The following MAP2 variants were observed in gnomAD, a reference collection of about 807,000 sequenced individuals.
MAP2 encodes the protein microtubule associated protein 2.
Under a neutral mutation model 137.6 loss-of-function variants are expected in MAP2, and 14 were observed. The observed-to-expected ratio is 0.10, with a 90% CI of 0.07 to 0.16. The LOEUF is 0.16. Among genes scored for constraint, MAP2 ranks in the 10% least tolerant of loss-of-function variants. The pLI is 1.00. For synonymous variants in MAP2, 786 were observed against 782.3 expected, an observed-to-expected ratio of 1.00 and a Z score of -0.08; for missense variants, 2,088 against 2,191.5, an observed-to-expected ratio of 0.95 and a Z score of 0.94.
intron 4 of MAP2, among the ~76,000 whole-genome samples, chr2:209,650,329 C>T (rs1250095568): frequency 6.6e-6 from 1 of 152,120 alleles, no homozygotes; most frequent in Non-Finnish European, 1.5e-5. Flanking sequence ...CTGCCTTTGC[C>T]TGAGATTCAA....
intron 2 of MAP2, among the ~76,000 whole-genome samples, chr2:209,526,020 T>C (rs1469229052): frequency 1.3e-5 from 2 of 152,308 alleles, no homozygotes; most frequent in East Asian, 3.9e-4. Context: ...GTTTTTCATT[T>C]TGTCAAAATG....
At chr2:209,635,507 C>T (rs1337290189) in intron 4 of MAP2, among the ~76,000 whole-genome samples, 5 of 151,988 alleles carry the variant, frequency 3.3e-5, no homozygotes, top group Non-Finnish European at 5.9e-5. Context: ...ATAGTCCTGA[C>T]GTGATATTTT....
intron 1 of MAP2, among the ~76,000 whole-genome samples, chr2:209,435,319 A>G (rs1559158270): frequency 6.6e-6 from 1 of 151,776 alleles, no homozygotes; most frequent in Non-Finnish European, 1.5e-5. Flanking sequence ...CAGAGGAGGG[A>G]GTGTCATTGC....
intron 1 of MAP2, 109 bp downstream of exon 1, chr2:209,424,385 G>A (rs1691929494): frequency 6.6e-6 from 1 of 152,668 alleles, no homozygotes; most frequent in Non-Finnish European, 1.5e-5. Flanking sequence ...CGTCCTCTGG[G>A]ACTCGCAGCA....
chr2:209,516,722 C>T (rs185605615), intron 2 of MAP2, among the ~76,000 whole-genome samples: 3 of 152,164 alleles, frequency 2.0e-5, no homozygotes, highest in Admixed American at 2.0e-4. Flanking sequence ...CTTAGAGACT[C>T]GAAGACCTAA....
At chr2:209,724,977 C>T (rs2073295913) in intron 13 of MAP2, among the ~76,000 whole-genome samples, 1 of 152,148 alleles carries the variant, frequency 6.6e-6, no homozygotes, top group African/African-American at 2.4e-5. Context: ...TCTCCCAAAA[C>T]AATAGTCTTA....
chr2:209,696,732 A>C lies in MAP2; in HGVS notation c.4371A>C (p.Glu1457Asp). The change falls in exon 9 of 16, where the codon GAA becomes GAC. Residue 1457 changes from glutamate to aspartate, a missense_variant. Transcript: ENST00000682079. Reference sequence around the variant, plus strand: ...AACCTAGCACAGTCTCCAGAGATGAAGTGAGAAGGAAAAAAGGTTCATTTA... The same window carrying C: ...AACCTAGCACAGTCTCCAGAGATGACGTGAGAAGGAAAAAAGGTTCATTTA... ...KKEPSTVSRDEVRRKKAVYKK... is the reference protein window; with the variant it reads ...KKEPSTVSRDDVRRKKAVYKK... 6.2e-7 allele frequency: 1 copy of C among 1,604,556 alleles called. No homozygotes were observed. Among genetic ancestry groups the C allele is most frequent in the Non-Finnish European group, 8.5e-7 (1 of 1,177,650 alleles).
chr2:209,572,247 C>T (rs976687444), intron 2 of MAP2, among the ~76,000 whole-genome samples: 3 of 152,036 alleles, frequency 2.0e-5, no homozygotes, highest in Non-Finnish European at 4.4e-5. Context: ...GGAATAAATT[C>T]ATCCTTCTCA....
intron 2 of MAP2, among the ~76,000 whole-genome samples, chr2:209,571,334 A>G (rs2074364605): frequency 6.6e-6 from 1 of 152,016 alleles, no homozygotes; most frequent in Non-Finnish European, 1.5e-5. Flanking sequence ...GACATTGTAC[A>G]TCTTCCAAGT....
chr2:209,653,560 G>A, intron 5 of MAP2, 128 bp downstream of exon 5: 1 of 956,690 alleles, frequency 1.0e-6, no homozygotes, highest in Non-Finnish European at 1.5e-6. Context: ...CAGTCAGTCA[G>A]AGGAAATAAA....
chr2:209,695,008 G>A lies in MAP2; in HGVS notation c.2838G>A (p.Leu946=), dbSNP rs1559588802. 3.1e-6 allele frequency: 5 copies of A among 1,614,158 alleles called. No homozygotes were observed. The highest frequency in any genetic ancestry group is 4.2e-6 in the Non-Finnish European group (5 of 1,180,036). The change falls in exon 8 of 16, where the codon CTG becomes CTA. Residue 946 remains leucine (L), a synonymous_variant. Transcript: ENST00000682079. ...ATATCTCTGGTGACAAATCAGGACT[G>A]AGTAAGGAGTTTGACCAAGAGAAGA... ...SAHISGDKSG[L]SKEFDQEKKA...
At chr2:209,530,649 G>T (rs530797928) in intron 2 of MAP2, among the ~76,000 whole-genome samples, 124 of 152,270 alleles carry the variant, frequency 8.1e-4, no homozygotes, top group Non-Finnish European at 1.2e-3. Context: ...CTAGTAATTT[G>T]TATTTATAAG....
intron 1 of MAP2, among the ~76,000 whole-genome samples, chr2:209,481,960 T>C (rs1708887155): frequency 1.3e-5 from 2 of 152,186 alleles, no homozygotes. Flanking sequence ...AGCATTCTCT[T>C]CATTTATTTC....
chr2:209,704,324 C>A, intron 11 of MAP2: 1 of 726,458 alleles, frequency 1.4e-6, no homozygotes, highest in Non-Finnish European at 2.2e-6. Flanking sequence ...TTGATTATAA[C>A]CATTTATCAT....
At chr2:209,454,526 A>G (rs1302401362) in intron 1 of MAP2, among the ~76,000 whole-genome samples, 1 of 151,886 alleles carries the variant, frequency 6.6e-6, no homozygotes, top group African/African-American at 2.4e-5. Context: ...TAGTAGAGAT[A>G]GGGTTTCACC....
chr2:209,722,995 C>T (rs1420099428), intron 13 of MAP2, among the ~76,000 whole-genome samples: 1 of 152,180 alleles, frequency 6.6e-6, no homozygotes, highest in Non-Finnish European at 1.5e-5. Flanking sequence ...GAACCACCTG[C>T]AAGGGAATTG....
chr2:209,730,913 T>G lies in MAP2; in HGVS notation c.*516T>G, dbSNP rs2075700493. ...TGTATAAATGGGAAGAAAGATTCAA[T>G]TAAGTTATTAACATTTGGGACCTGG... is the stretch of plus-strand genomic sequence containing the variant. On this transcript the variant is annotated 3_prime_UTR_variant, in exon 16 of 16. Transcript: ENST00000682079. 1 of 154,490 alleles carries G rather than the reference T, an allele frequency of 6.5e-6. No individual in the cohort carries two copies. The highest frequency in any genetic ancestry group is 2.4e-5 in the African/African-American group (1 of 41,464). 9.6% of individuals were successfully genotyped at this position (154,490 alleles called of 1,614,324 possible).
intron 4 of MAP2, among the ~76,000 whole-genome samples, chr2:209,630,394 A>G (rs1355362972): frequency 2.0e-5 from 3 of 152,046 alleles, no homozygotes; most frequent in African/African-American, 7.2e-5. Flanking sequence ...CACAAGCACA[A>G]CTCTCAAGTG....
chr2:209,447,851 A>G (rs1699446846), intron 1 of MAP2, among the ~76,000 whole-genome samples: 1 of 152,098 alleles, frequency 6.6e-6, no homozygotes, highest in Non-Finnish European at 1.5e-5. Context: ...AGGACTGCAA[A>G]GTTCAGTAGA....
Sources: allele counts gnomAD v4.1 joint callset (sites outside exome capture counted in the v4.1 genomes callset), GRCh38; gene constraint gnomAD v4.1.1; transcripts MANE v1.5; gene names NCBI Gene and HGNC (gene_info 2026-07-23, HGNC 2026-07-21).